CNTN5: variants seen among roughly 807,000 people sequenced by gnomAD.
The protein encoded by CNTN5 is contactin 5, also known as contactin-5.
In CNTN5, 77 loss-of-function variants were observed where a neutral mutation model predicts 129.1. That is an observed-to-expected ratio of 0.60 (90% confidence interval 0.50 to 0.72). The LOEUF (loss-of-function observed/expected upper bound fraction) is 0.72. Ranked by LOEUF, CNTN5 falls within the 30% of genes least tolerant of loss-of-function variation. The pLI is 0.00. For missense variants in CNTN5, 1,478 were observed against 1,328.8 expected, an observed-to-expected ratio of 1.11 and a Z score of -1.75; for synonymous variants, 509 against 465.6, an observed-to-expected ratio of 1.09 and a Z score of -1.20.
chr11:99,676,000 A>C (rs1338314943), intron 3 of CNTN5, among the ~76,000 whole-genome samples: 2 of 152,098 alleles, frequency 1.3e-5, no homozygotes, highest in Non-Finnish European at 2.9e-5. Flanking sequence ...TCATCTCAGA[A>C]CTCTGAGAGT....
chr11:99,284,992 T>C (rs376958402), intron 1 of CNTN5, among the ~76,000 whole-genome samples: 2 of 152,086 alleles, frequency 1.3e-5, no homozygotes, highest in African/African-American at 4.8e-5. Flanking sequence ...TTGCTATATA[T>C]GAATTTCTGT....
intron 2 of CNTN5, among the ~76,000 whole-genome samples, chr11:99,458,696 C>T (rs1322338996): frequency 6.6e-6 from 1 of 151,906 alleles, no homozygotes; most frequent in Non-Finnish European, 1.5e-5. Context: ...GTTTGAAGCC[C>T]ATAAGAAGAA....
chr11:99,441,896 C>A (rs1159879725), intron 2 of CNTN5, among the ~76,000 whole-genome samples: 2 of 152,036 alleles, frequency 1.3e-5, no homozygotes, highest in African/African-American at 4.8e-5. Flanking sequence ...CAGTGTCCAG[C>A]CCATCTGGAC....
chr11:100,070,733 T>C (rs186051809), intron 11 of CNTN5, among the ~76,000 whole-genome samples, 173 bp downstream of exon 11: 1 of 152,150 alleles, frequency 6.6e-6, no homozygotes, highest in African/African-American at 2.4e-5. Context: ...TTTAACTCAA[T>C]GTCTGGGATA....
intron 1 of CNTN5, among the ~76,000 whole-genome samples, chr11:99,201,164 A>G (rs886103012): frequency 2.6e-5 from 4 of 151,108 alleles, no homozygotes; most frequent in Non-Finnish European, 2.9e-5. Flanking sequence ...AGCTGGGACT[A>G]CAGGCCTGCG....
chr11:99,123,498 T>TTATTC (rs1858462247), intron 1 of CNTN5, among the ~76,000 whole-genome samples: 1 of 151,912 alleles, frequency 6.6e-6, no homozygotes, highest in Admixed American at 6.6e-5. Flanking sequence ...GGTTTTCTGT[T>TTATTC]TGTTGATAGT....
At position 99,840,692 on chromosome 11, in the gene CNTN5, A is replaced by G. The variant is rs73557542; in HGVS notation, c.278-4160A>G. 3.3e-3 allele frequency among the ~76,000 whole-genome samples: 497 copies of G among 152,274 alleles called. 3 individuals carry two copies. The highest frequency in any genetic ancestry group is 0.011 in the African/African-American group (465 of 41,560). On this transcript the variant is annotated intron_variant, in intron 4 of 24. Coordinates refer to ENST00000524871, the MANE Select transcript of CNTN5 (RefSeq NM_014361.4). ...AGACGTTAACATTGTGTGTGATGAC[A>G]TCTGCCCATTACACAAATGTGTCGA...
chr11:99,385,633 T>C (rs1033161014), intron 2 of CNTN5, among the ~76,000 whole-genome samples: 1 of 152,206 alleles, frequency 6.6e-6, no homozygotes, highest in Non-Finnish European at 1.5e-5. Flanking sequence ...TTGTATTTAG[T>C]TAAGTATCAT....
chr11:99,511,174 G>A (rs921338125), intron 2 of CNTN5, among the ~76,000 whole-genome samples: 1 of 152,046 alleles, frequency 6.6e-6, no homozygotes, highest in Non-Finnish European at 1.5e-5. Context: ...TCTCTTGTGA[G>A]CATTTAGTGC....
At chr11:99,127,077 C>A (rs2135422767) in intron 1 of CNTN5, among the ~76,000 whole-genome samples, 1 of 152,234 alleles carries the variant, frequency 6.6e-6, no homozygotes, top group Non-Finnish European at 1.5e-5. Flanking sequence ...TCTACAGCTT[C>A]AGAACTCAAT....
At chr11:99,968,083 A>G (rs1406982250) in intron 8 of CNTN5, among the ~76,000 whole-genome samples, 2 of 151,950 alleles carry the variant, frequency 1.3e-5, no homozygotes, top group South Asian at 4.1e-4. Flanking sequence ...CACCATGTAC[A>G]CAACCAGGCT....
intron 8 of CNTN5, among the ~76,000 whole-genome samples, chr11:99,961,217 A>AC (rs1950936487): frequency 2.1e-5 from 3 of 144,834 alleles, no homozygotes; most frequent in East Asian, 4.0e-4. Flanking sequence ...AAAAAAAAAA[A>AC]AAAAAAAACA....
chr11:99,229,625 G>A (rs1761179058), intron 1 of CNTN5, among the ~76,000 whole-genome samples: 1 of 151,082 alleles, frequency 6.6e-6, no homozygotes. Context: ...TTGTTACTCA[G>A]AACACATAAG....
At chr11:99,219,110 C>T (rs1591374254) in intron 1 of CNTN5, among the ~76,000 whole-genome samples, 1 of 152,038 alleles carries the variant, frequency 6.6e-6, no homozygotes, top group East Asian at 1.9e-4. Context: ...AGGGGCTTAA[C>T]ATTTATTTAT....
intron 1 of CNTN5, among the ~76,000 whole-genome samples, chr11:99,137,734 G>A (rs1034412437): frequency 6.6e-6 from 1 of 152,120 alleles, no homozygotes; most frequent in Admixed American, 6.6e-5. Context: ...GTGCTCTGGT[G>A]TCTGCCAGAT....
intron 2 of CNTN5, among the ~76,000 whole-genome samples, chr11:99,442,003 C>T (rs372449684): frequency 2.6e-5 from 4 of 152,186 alleles, no homozygotes; most frequent in African/African-American, 9.6e-5. Flanking sequence ...TCCATTAAAT[C>T]CTGAGTTGTA....
At chr11:100,332,825 C>A (rs959401961) in intron 21 of CNTN5, among the ~76,000 whole-genome samples, 2 of 152,130 alleles carry the variant, frequency 1.3e-5, no homozygotes, top group African/African-American at 4.8e-5. Context: ...CTATGACAAA[C>A]CCACAGCCAA....
chr11:99,811,199 A>T (rs1946418306), intron 3 of CNTN5, among the ~76,000 whole-genome samples: 1 of 151,990 alleles, frequency 6.6e-6, no homozygotes, highest in Non-Finnish European at 1.5e-5. Context: ...TCCAATAGTG[A>T]TAATACAGTT....
chr11:99,712,870 T>C (rs1205363910), intron 3 of CNTN5, among the ~76,000 whole-genome samples: 2 of 152,146 alleles, frequency 1.3e-5, no homozygotes, highest in African/African-American at 2.4e-5. Context: ...CGTGCTGTTT[T>C]GGTTACTGTA....
Sources: allele counts gnomAD v4.1 joint callset (sites outside exome capture counted in the v4.1 genomes callset), GRCh38; gene constraint gnomAD v4.1.1; transcripts MANE v1.5; gene names NCBI Gene and HGNC (gene_info 2026-07-23, HGNC 2026-07-21).